Variants in KCNIP4 observed in about 807,000 individuals in gnomAD.
The protein encoded by KCNIP4 is potassium voltage-gated channel interacting protein 4.
Under a neutral mutation model 34.0 loss-of-function variants are expected in KCNIP4, and 12 were observed. The ratio of observed to expected loss-of-function variants is 0.35; its 90% CI spans 0.23 to 0.57. The LOEUF (loss-of-function observed/expected upper bound fraction) is 0.57. Among genes scored for constraint, KCNIP4 ranks in the 20% least tolerant of loss-of-function variants. The probability of loss-of-function intolerance (pLI) is 0.83; values close to 1 mark genes in which losing one functional copy is unlikely to be tolerated. For missense variants in KCNIP4, 238 were observed against 311.7 expected, an observed-to-expected ratio of 0.76 and a Z score of 1.78; for synonymous variants, 124 against 102.2, an observed-to-expected ratio of 1.21 and a Z score of -1.29.
chr4:21,412,808 C>A (rs1416755320), intron 1 of KCNIP4, among the ~76,000 whole-genome samples: 1 of 152,176 alleles, frequency 6.6e-6, no homozygotes, highest in Non-Finnish European at 1.5e-5. Flanking sequence ...TGTTCTGCTA[C>A]TTTTAACATG....
intron 1 of KCNIP4, among the ~76,000 whole-genome samples, chr4:21,354,195 T>C: frequency 6.6e-6 from 1 of 152,134 alleles, no homozygotes; most frequent in East Asian, 1.9e-4. Context: ...TGCAAAAACA[T>C]GCCAAATTGT....
At position 21,831,907 on chromosome 4, in the gene KCNIP4, A is replaced by G. The variant is rs184408491; in HGVS notation, c.61+116664T>C. ...GAACATAGATGCAAAAATCCTTACCAAATACTAGCAAACCAAATTCAATGG... is the reference window on the plus strand; with the variant it reads ...GAACATAGATGCAAAAATCCTTACCGAATACTAGCAAACCAAATTCAATGG... On this transcript the variant is annotated intron_variant, in intron 1 of 8. Coordinates refer to ENST00000382152, the MANE Select transcript of KCNIP4 (RefSeq NM_025221.6). Among the ~76,000 whole-genome samples the G allele has an allele frequency of 2.0e-4, 31 of 152,224 alleles. No homozygotes were observed. In the East Asian group the frequency reaches 4.8e-3, roughly 24 times the overall value.
chr4:21,667,393 A>G (rs552989280), intron 1 of KCNIP4, among the ~76,000 whole-genome samples: 1 of 152,330 alleles, frequency 6.6e-6, no homozygotes, highest in Admixed American at 6.5e-5. Context: ...TAAAGACATC[A>G]CACACAAACA....
chr4:21,686,322 TG>T (rs775828249), intron 1 of KCNIP4, among the ~76,000 whole-genome samples: 4 of 152,160 alleles, frequency 2.6e-5, no homozygotes, highest in Non-Finnish European at 5.9e-5. Flanking sequence ...CATGGTAATA[TG>T]TTTTTTTGTG....
At chr4:21,439,607 T>C (rs1015019500) in intron 1 of KCNIP4, among the ~76,000 whole-genome samples, 1 of 152,212 alleles carries the variant, frequency 6.6e-6, no homozygotes, top group African/African-American at 2.4e-5. Flanking sequence ...AGTCTGCTAA[T>C]GGCTGATAAA....
At chr4:21,711,347 CTA>C (rs1713709228) in intron 1 of KCNIP4, among the ~76,000 whole-genome samples, 1 of 152,074 alleles carries the variant, frequency 6.6e-6, no homozygotes, top group Non-Finnish European at 1.5e-5. Context: ...TGACATGCAC[CTA>C]TAGTCCCAGC....
At chr4:21,278,300 G>T (rs751697917) in intron 1 of KCNIP4, among the ~76,000 whole-genome samples, 3 of 152,056 alleles carry the variant, frequency 2.0e-5, no homozygotes, top group Non-Finnish European at 4.4e-5. Flanking sequence ...TTTTTACTCA[G>T]GAATTAAGCG....
At chr4:21,021,859 CGT>C (rs1740082151) in intron 1 of KCNIP4, among the ~76,000 whole-genome samples, 1 of 145,844 alleles carries the variant, frequency 6.9e-6, no homozygotes, top group African/African-American at 2.6e-5. Flanking sequence ...AGTATAGTAT[CGT>C]ATAGTATAGT....
intron 1 of KCNIP4, among the ~76,000 whole-genome samples, chr4:21,408,474 G>A (rs1421248634): frequency 6.6e-6 from 1 of 152,166 alleles, no homozygotes; most frequent in Non-Finnish European, 1.5e-5. Context: ...AGTTTCAGAA[G>A]GAGAAAAAGA....
At chr4:21,024,799 G>C (rs1215294701) in intron 1 of KCNIP4, among the ~76,000 whole-genome samples, 1 of 152,104 alleles carries the variant, frequency 6.6e-6, no homozygotes, top group African/African-American at 2.4e-5. Context: ...TATTGTTATT[G>C]ACTTATCCTG....
At chr4:20,934,534 AC>A (rs746259243) in intron 1 of KCNIP4, among the ~76,000 whole-genome samples, 153 of 151,910 alleles carry the variant, frequency 1.0e-3, no homozygotes, top group Non-Finnish European at 2.0e-3. Flanking sequence ...TATTTCACTC[AC>A]CCTTAAATTT....
chr4:21,508,592 G>C (rs1734051579), intron 1 of KCNIP4, among the ~76,000 whole-genome samples: 1 of 152,206 alleles, frequency 6.6e-6, no homozygotes, highest in Non-Finnish European at 1.5e-5. Context: ...GTTGGTTGAA[G>C]CTAGGAGTAA....
At chr4:21,733,308 T>C (rs116103701) in intron 1 of KCNIP4, among the ~76,000 whole-genome samples, 4,365 of 152,250 alleles carry the variant, frequency 0.029, 193 homozygotes, top group African/African-American at 0.099. Context: ...TGATAAACAG[T>C]GAATCGTATA....
intron 1 of KCNIP4, among the ~76,000 whole-genome samples, chr4:21,225,933 CT>C: frequency 6.6e-6 from 1 of 152,126 alleles, no homozygotes; most frequent in East Asian, 1.9e-4. Flanking sequence ...TCTCTTCCCC[CT>C]GCTCATGCAA....
intron 1 of KCNIP4, chr4:21,609,020 T>G (rs377295579): frequency 6.6e-5 from 10 of 152,270 alleles, no homozygotes; most frequent in African/African-American, 2.2e-4. Flanking sequence ...TCATCCATAT[T>G]AAGAGATACT....
chr4:21,141,466 A>AT (rs201591094), intron 1 of KCNIP4, among the ~76,000 whole-genome samples: 1,776 of 152,268 alleles, frequency 0.012, 14 homozygotes, highest in South Asian at 0.019. Context: ...CATAATCATC[A>AT]TTTTTTGATA....
At chr4:21,645,781 G>C (rs375177908) in intron 1 of KCNIP4, among the ~76,000 whole-genome samples, 3 of 152,258 alleles carry the variant, frequency 2.0e-5, no homozygotes, top group African/African-American at 7.2e-5. Flanking sequence ...TTCAAAAACA[G>C]AGACTGTCTC....
At chr4:21,652,222 C>T (rs977479525) in intron 1 of KCNIP4, among the ~76,000 whole-genome samples, 4 of 152,140 alleles carry the variant, frequency 2.6e-5, no homozygotes, top group Non-Finnish European at 5.9e-5. Context: ...GTAAATCATC[C>T]TTGTAGTATA....
intron 1 of KCNIP4, among the ~76,000 whole-genome samples, chr4:21,740,111 T>A (rs1451933367): frequency 6.6e-6 from 1 of 152,066 alleles, no homozygotes; most frequent in African/African-American, 2.4e-5. Flanking sequence ...AATATATGTA[T>A]ACAAAAGAAT....
Sources: gnomAD v4.1 joint callset for allele counts (sites outside exome capture counted in the v4.1 genomes callset) on GRCh38, gnomAD v4.1.1 for gene constraint, MANE v1.5 for transcripts, NCBI Gene and HGNC (gene_info 2026-07-23, HGNC 2026-07-21) for gene names.